Variants in PLEKHG7 observed in about 807,000 individuals in gnomAD.
PLEKHG7 encodes pleckstrin homology domain-containing family G member 7.
PLEKHG7 carries 77 observed loss-of-function variants against 85.2 expected under a neutral mutation model. The ratio of observed to expected loss-of-function variants is 0.90; its 90% CI spans 0.75 to 1.09. The LOEUF is 1.09. PLEKHG7 is among the 50% of genes least tolerant of loss of function. PLEKHG7 has a pLI of 0.00. For missense variants in PLEKHG7, 777 were observed against 804.3 expected (o/e 0.97, Z 0.41); for synonymous variants, 301 against 302.4 (o/e 1.00, Z 0.05).
At chr12:92,747,214 T>A in intron 10 of PLEKHG7, among the ~76,000 whole-genome samples, 1 of 151,188 alleles carries the variant, frequency 6.6e-6, no homozygotes, top group African/African-American at 2.4e-5. Flanking sequence ...AGAATCTGAG[T>A]TGACATTTCC....
chr12:92,722,524 G>A (rs1019372188), intron 3 of PLEKHG7, among the ~76,000 whole-genome samples: 2 of 152,158 alleles, frequency 1.3e-5, no homozygotes, highest in African/African-American at 4.8e-5. Context: ...AAGGCAAAAA[G>A]TCAAGGTCAT....
intron 3 of PLEKHG7, among the ~76,000 whole-genome samples, chr12:92,727,314 T>TACA (rs1352559525): frequency 1.3e-5 from 2 of 152,156 alleles, no homozygotes; most frequent in Non-Finnish European, 2.9e-5. Context: ...GTTCCACGGG[T>TACA]ATATTGCATC....
chr12:92,729,051 C>T lies in PLEKHG7; in HGVS notation c.589C>T (p.Pro197Ser), dbSNP rs1263791258. Residue 197 changes from proline to serine, a missense_variant, in exon 4 of 17, where the codon CCC becomes TCC. Coordinates refer to ENST00000344636, the MANE Select transcript of PLEKHG7 (RefSeq NM_001377329.1). ...VLNLPGLEVFPGDLLVSDGAA... is the reference protein window; with the variant it reads ...VLNLPGLEVFSGDLLVSDGAA... ...GAACTTACCTGGACTTGAGGTGTTC[C>T]CCGGGGACCTTCTGGTGTCAGATGG... 8.9e-6 allele frequency: 11 copies of T among 1,231,676 alleles called. No individual in the cohort carries two copies. The highest frequency in any genetic ancestry group is 1.6e-5 in the African/African-American group (1 of 64,340). 76.3% of individuals were successfully genotyped at this position (1,231,676 alleles called of 1,614,324 possible).
At chr12:92,761,298 G>A (rs1199418099) in intron 13 of PLEKHG7, among the ~76,000 whole-genome samples, 2 of 152,080 alleles carry the variant, frequency 1.3e-5, no homozygotes, top group African/African-American at 2.4e-5. Flanking sequence ...TCAGTTGATA[G>A]ATTTACCCTC....
At position 92,707,643 on chromosome 12, in the gene PLEKHG7, A is replaced by G. The variant is rs777969860; in HGVS notation, c.508-7A>G. On this transcript the variant is annotated splice_polypyrimidine_tract_variant and splice_region_variant and intron_variant, in intron 2 of 16. Coordinates refer to ENST00000344636, the MANE Select transcript of PLEKHG7 (RefSeq NM_001377329.1). ...ACTAAAACATATGTTCTTAAAATTTATTTCAGGGAGAAGAATTGCACCCAT... is the reference window on the plus strand; with the variant it reads ...ACTAAAACATATGTTCTTAAAATTTGTTTCAGGGAGAAGAATTGCACCCAT... The G allele has an allele frequency of 4.3e-6, 7 of 1,613,352 alleles. No homozygotes were observed. Among genetic ancestry groups the G allele is most frequent in the Non-Finnish European group, 5.9e-6 (7 of 1,179,610 alleles).
At chr12:92,760,512 T>C (rs1872955926) in intron 13 of PLEKHG7, among the ~76,000 whole-genome samples, 1 of 152,068 alleles carries the variant, frequency 6.6e-6, no homozygotes. Flanking sequence ...AAAGAACTTC[T>C]AGAACAATAT....
At chr12:92,738,194 T>C (rs776123052) in intron 7 of PLEKHG7, among the ~76,000 whole-genome samples, 24 of 152,200 alleles carry the variant, frequency 1.6e-4, no homozygotes, top group Non-Finnish European at 2.4e-4. Flanking sequence ...TTCATGTAAA[T>C]AGCACCCCTA....
At chr12:92,731,139 C>T (rs1871981746) in intron 4 of PLEKHG7, among the ~76,000 whole-genome samples, 1 of 152,144 alleles carries the variant, frequency 6.6e-6, no homozygotes, top group African/African-American at 2.4e-5. Flanking sequence ...TAGAAAAGCA[C>T]AGGAGAGAAA....
chr12:92,708,811 T>A (rs1055642282), intron 3 of PLEKHG7, among the ~76,000 whole-genome samples: 1 of 152,214 alleles, frequency 6.6e-6, no homozygotes, highest in African/African-American at 2.4e-5. Context: ...AGTCACTCAG[T>A]TGAACTCAGC....
intron 7 of PLEKHG7, among the ~76,000 whole-genome samples, chr12:92,740,312 C>T (rs1295170320): frequency 6.6e-6 from 1 of 152,136 alleles, no homozygotes; most frequent in East Asian, 1.9e-4. Flanking sequence ...TTTGTGAAAT[C>T]ATCAAATTAA....
chr12:92,760,976 G>A (rs1354261647), intron 13 of PLEKHG7, among the ~76,000 whole-genome samples: 1 of 152,190 alleles, frequency 6.6e-6, no homozygotes, highest in Non-Finnish European at 1.5e-5. Flanking sequence ...CCCAGGCCAA[G>A]GTGATGGCAA....
chr12:92,725,019 A>C (rs1297603328), intron 3 of PLEKHG7, among the ~76,000 whole-genome samples: 2 of 152,046 alleles, frequency 1.3e-5, no homozygotes, highest in Admixed American at 1.3e-4. Context: ...GGCAGGTGAA[A>C]CAGATTACAA....
rs1277655839 is a variant in PLEKHG7, at chr12:92,761,642, GAAAGA to G, written c.1637-107_1637-103del. On this transcript the variant is annotated intron_variant, in intron 13 of 16. Coordinates refer to ENST00000344636, the MANE Select transcript of PLEKHG7 (RefSeq NM_001377329.1). ...AAGAAAGAAGAAAGAAAGAAAGAAAGAAAGAAAGAAAGAAAGAAAGAAAGAAAGAA... is the reference window on the plus strand; with the variant it reads ...AAGAAAGAAGAAAGAAAGAAAGAAAGAAGAAAGAAAGAAAGAAAGAAAGAA... 20 of 779,266 alleles carry G rather than the reference GAAAGA, an allele frequency of 2.6e-5. 1 individual carries two copies. In the Admixed American group the frequency reaches 3.3e-4, roughly 13 times the overall value. 48.3% of individuals were successfully genotyped at this position (779,266 alleles called of 1,614,324 possible).
chr12:92,766,570 C>T (rs1485873843), intron 15 of PLEKHG7, among the ~76,000 whole-genome samples: 2 of 151,922 alleles, frequency 1.3e-5, no homozygotes, highest in Non-Finnish European at 2.9e-5. Context: ...GGAACATGCA[C>T]AGTGGCTTAC....
At chr12:92,712,914 A>C (rs1366776192) in intron 3 of PLEKHG7, among the ~76,000 whole-genome samples, 2 of 152,116 alleles carry the variant, frequency 1.3e-5, no homozygotes, top group Non-Finnish European at 2.9e-5. Flanking sequence ...GGAGGACCAC[A>C]ATGATGTTTT....
intron 10 of PLEKHG7, among the ~76,000 whole-genome samples, chr12:92,749,295 ATTTAT>A (rs1026131448): frequency 2.0e-5 from 3 of 149,960 alleles, no homozygotes; most frequent in African/African-American, 7.5e-5. Context: ...TTATTTATGT[ATTTAT>A]TTATTTATTG....
At chr12:92,729,739 G>T in intron 4 of PLEKHG7, among the ~76,000 whole-genome samples, 1 of 152,246 alleles carries the variant, frequency 6.6e-6, no homozygotes, top group Non-Finnish European at 1.5e-5. Flanking sequence ...CATGCTGGTG[G>T]TTTTTAAACT....
intron 13 of PLEKHG7, among the ~76,000 whole-genome samples, 185 bp from the exon 14 acceptor site, chr12:92,761,566 AG>A (rs1316775376): frequency 2.0e-5 from 3 of 151,072 alleles, no homozygotes; most frequent in Non-Finnish European, 4.4e-5. Flanking sequence ...GAAAGAAGGA[AG>A]GAAGGAAGGA....
intron 13 of PLEKHG7, among the ~76,000 whole-genome samples, chr12:92,759,040 T>C (rs549336455): frequency 1.3e-5 from 2 of 152,342 alleles, no homozygotes; most frequent in East Asian, 1.9e-4. Context: ...ATAATGATGA[T>C]GACAATGAGG....
Sources: allele counts gnomAD v4.1 joint callset (sites outside exome capture counted in the v4.1 genomes callset), GRCh38; gene constraint gnomAD v4.1.1; transcripts MANE v1.5; gene names NCBI Gene and HGNC (gene_info 2026-07-23, HGNC 2026-07-21).